Variants in BOC observed in about 807,000 individuals in gnomAD.
BOC encodes the protein BOC cell adhesion associated, oncogene regulated, also known as brother of CDO.
BOC carries 76 observed loss-of-function variants against 112.0 expected under a neutral mutation model. That is an observed-to-expected ratio of 0.68 (90% CI 0.56 to 0.82). The LOEUF (loss-of-function observed/expected upper bound fraction) is 0.82, where lower values mean the gene tolerates loss of function less well. Among genes scored for constraint, BOC ranks in the 40% least tolerant of loss-of-function variants. The probability of loss-of-function intolerance (pLI) is 0.00; values close to 1 mark genes in which losing one functional copy is unlikely to be tolerated. For synonymous variants in BOC, 580 were observed against 599.8 expected, an observed-to-expected ratio of 0.97 and a Z score of 0.48; for missense variants, 1,309 against 1,511.7, an observed-to-expected ratio of 0.87 and a Z score of 2.22.
intron 4 of BOC, among the ~76,000 whole-genome samples, chr3:113,261,209 C>A (rs1402783927): frequency 6.6e-6 from 1 of 152,218 alleles, no homozygotes; most frequent in Non-Finnish European, 1.5e-5. Flanking sequence ...TCCTCCCTCT[C>A]TTCTTGCACA....
chr3:113,280,701 A>G (rs377600157), intron 14 of BOC, 38 bp downstream of exon 14: 41 of 1,498,314 alleles, frequency 2.7e-5, no homozygotes, highest in Middle Eastern at 3.4e-4. Flanking sequence ...TCTGCGTGAT[A>G]TAGTTTCCTC....
intron 4 of BOC, among the ~76,000 whole-genome samples, chr3:113,259,112 G>C (rs1191309809): frequency 1.3e-5 from 2 of 152,166 alleles, no homozygotes; most frequent in Admixed American, 1.3e-4. Context: ...TCTGCTCAGA[G>C]CATCTTGGCA....
intron 2 of BOC, among the ~76,000 whole-genome samples, chr3:113,236,118 T>C (rs1943398751): frequency 6.6e-6 from 1 of 151,064 alleles, no homozygotes; most frequent in African/African-American, 2.4e-5. Context: ...CACTTCTGTG[T>C]TTATAGCAGC....
intron 4 of BOC, chr3:113,251,692 A>C (rs1002886435): frequency 5.9e-5 from 9 of 152,230 alleles, no homozygotes; most frequent in African/African-American, 1.9e-4. Flanking sequence ...CCAAGGGCCA[A>C]ATGGCTTCTA....
At chr3:113,281,233 G>C in intron 15 of BOC, 80 bp downstream of exon 15, 1 of 1,526,942 alleles carries the variant, frequency 6.5e-7, no homozygotes. Flanking sequence ...GTGCCTGTGC[G>C]GTGCTGGGCC....
At chr3:113,225,297 C>T (rs574571193) in intron 2 of BOC, among the ~76,000 whole-genome samples, 1 of 152,070 alleles carries the variant, frequency 6.6e-6, no homozygotes, top group Non-Finnish European at 1.5e-5. Context: ...AAAAAAAAAC[C>T]CCAACTTCTG....
chr3:113,241,025 G>T (rs1407945265), intron 2 of BOC, among the ~76,000 whole-genome samples: 2 of 152,208 alleles, frequency 1.3e-5, no homozygotes, highest in African/African-American at 4.8e-5. Flanking sequence ...GACTTGGCAG[G>T]CTGGTGCGTC....
At chr3:113,276,982 G>A (rs868707512) in intron 9 of BOC, among the ~76,000 whole-genome samples, 8 of 152,150 alleles carry the variant, frequency 5.3e-5, no homozygotes, top group Admixed American at 1.3e-4. Context: ...GAAAGGTGGC[G>A]CGGCAAAGAT....
rs931193433 is a variant in BOC at position 113,283,492 on chromosome 3, A to G, written c.2516A>G (p.Glu839Gly). The G allele has an allele frequency of 4.3e-6, 7 of 1,613,966 alleles. No homozygotes were observed. The highest frequency in any genetic ancestry group is 5.9e-6 in the Non-Finnish European group (7 of 1,179,994). ...PPQPPLPETI[E>G]RPVGTGAMVA... The stretch of plus-strand genomic sequence containing the variant: ...CAGCCGCCCCTTCCTGAAACCATAG[A>G]GCGGCCGGTGGGCACTGGGGCCATG... The change falls in exon 16 of 20, where the codon GAG (glutamate) becomes GGG (glycine). Residue 839 changes from glutamate to glycine, a missense_variant. Transcript: ENST00000682979.
chr3:113,236,228 ATGTGTG>A (rs765387902), intron 2 of BOC, among the ~76,000 whole-genome samples: 1,835 of 77,854 alleles, frequency 0.024, 117 homozygotes, highest in African/African-American at 0.086. Context: ...ATATACGTAT[ATGTGTG>A]TGTGTGTGTG....
intron 2 of BOC, among the ~76,000 whole-genome samples, chr3:113,222,049 G>T (rs1449079071): frequency 1.3e-5 from 2 of 152,128 alleles, no homozygotes; most frequent in Non-Finnish European, 2.9e-5. Flanking sequence ...TGCTTTCATG[G>T]TCACCTAAAC....
intron 2 of BOC, among the ~76,000 whole-genome samples, chr3:113,235,220 T>C (rs1331334300): frequency 1.3e-5 from 2 of 152,226 alleles, no homozygotes; most frequent in African/African-American, 4.8e-5. Context: ...GGTTGGGAAG[T>C]AGATGCTCTT....
chr3:113,254,535 G>A (rs1435641234), intron 4 of BOC, among the ~76,000 whole-genome samples: 1 of 152,178 alleles, frequency 6.6e-6, no homozygotes, highest in Non-Finnish European at 1.5e-5. Context: ...GTGTTTTGCT[G>A]GTTGGCTGAT....
chr3:113,275,246 C>T (rs530557735), intron 9 of BOC, among the ~76,000 whole-genome samples: 2 of 152,170 alleles, frequency 1.3e-5, no homozygotes, highest in Non-Finnish European at 1.5e-5. Flanking sequence ...GAGCTCAAAG[C>T]ACATCATGTT....
chr3:113,278,046 C>CGTA lies in BOC; in HGVS notation c.1543-47_1543-45dup, dbSNP rs1559879897. 6.2e-7 allele frequency: 1 copy of CGTA among 1,605,444 alleles called. No individual in the cohort carries two copies. The highest frequency in any genetic ancestry group is 8.5e-7 in the Non-Finnish European group (1 of 1,173,680). On this transcript the variant is annotated intron_variant, in intron 9 of 19. Coordinates refer to ENST00000682979, the MANE Select transcript of BOC (RefSeq NM_001378074.1). The surrounding 1 kb of genome is among the most constrained non-coding windows in gnomAD (Gnocchi z 4.2). Reference sequence around the variant, plus strand: ...CTTTCTTTGTAAACCATAGCCCACTCGTAGCCCGAGGCTGAGATGCCGGTC... The same window carrying CGTA: ...CTTTCTTTGTAAACCATAGCCCACTCGTAGTAGCCCGAGGCTGAGATGCCGGTC...
chr3:113,224,102 G>T (rs991503432), intron 2 of BOC, among the ~76,000 whole-genome samples: 26 of 152,234 alleles, frequency 1.7e-4, no homozygotes, highest in African/African-American at 6.0e-4. Context: ...TTGGAGCTGC[G>T]GATAGCGGTG....
chr3:113,284,862 A>G lies in BOC; in HGVS notation c.2966+4A>G. The G allele has an allele frequency of 6.2e-7, 1 of 1,613,842 alleles. No homozygotes were observed. The highest frequency in any genetic ancestry group is 8.5e-7 in the Non-Finnish European group (1 of 1,179,732). On this transcript the variant is annotated splice_donor_region_variant and intron_variant, in intron 18 of 19. Transcript: ENST00000682979. Reference sequence around the variant, plus strand: ...CCCAAAGTCACCAGATCACGAGGTAACCAGGCCTCTCCCCTTTCACTCCCA... The same window carrying G: ...CCCAAAGTCACCAGATCACGAGGTAGCCAGGCCTCTCCCCTTTCACTCCCA...
At chr3:113,242,077 G>A (rs773979966) in intron 2 of BOC, among the ~76,000 whole-genome samples, 2 of 151,406 alleles carry the variant, frequency 1.3e-5, no homozygotes, top group Non-Finnish European at 2.9e-5. Context: ...GATGGAATTC[G>A]TGTTAAAGAA....
At chr3:113,251,419 G>C (rs1342593414) in intron 4 of BOC, 1 of 156,310 alleles carries the variant, frequency 6.4e-6, no homozygotes, top group African/African-American at 2.4e-5. Context: ...AAGGGATAAA[G>C]GGATACAGAG....
Sources: allele counts gnomAD v4.1 joint callset (sites outside exome capture counted in the v4.1 genomes callset), GRCh38; gene constraint gnomAD v4.1.1; non-coding constraint Gnocchi (gnomAD v3.1); transcripts MANE v1.5; gene names NCBI Gene and HGNC (gene_info 2026-07-23, HGNC 2026-07-21).